The following GPKOW variants were observed in gnomAD, a reference collection of about 807,000 sequenced individuals.
The protein encoded by GPKOW is G-patch domain and KOW motifs, also known as G-patch domain and KOW motifs-containing protein.
For missense variants in GPKOW, 359 were observed against 404.7 expected (o/e 0.89, Z 0.97); for synonymous variants, 167 against 159.1 (o/e 1.05, Z -0.37).
intron 3 of GPKOW, among the ~76,000 whole-genome samples, chrX:49,122,092 C>T (rs782334642): frequency 1.8e-5 from 2 of 112,343 alleles, no homozygotes; most frequent in East Asian, 5.6e-4. Flanking sequence ...CTTACTCATT[C>T]CACTTCAGTC....
At chrX:49,115,244 G>A (rs1466364745) in intron 9 of GPKOW, among the ~76,000 whole-genome samples, 2 of 110,291 alleles carry the variant, frequency 1.8e-5, no homozygotes, top group East Asian at 2.8e-4. Context: ...GGTGGCTCAC[G>A]CTTGTAATCC....
chrX:49,116,007 C>A lies in GPKOW; in HGVS notation c.1024G>T (p.Gly342Trp). ...GCTTTCTCACTCTTGGCTGCAGGCC[C>A]ATCCTGTCTGTGGAGAAGGTGCCAG... ...KRKHLPDRQD[G>W]PAAKSEKAAP... The change falls in exon 8 of 11, where the codon GGG becomes TGG. Residue 342 changes from glycine to tryptophan, a missense_variant. By Grantham distance (184) the Gly-to-Trp change is radical. Coordinates refer to ENST00000156109, the MANE Select transcript of GPKOW (RefSeq NM_015698.6). The A allele has an allele frequency of 8.3e-7, 1 of 1,211,683 alleles. No homozygotes were observed. The highest frequency in any genetic ancestry group is 1.1e-6 in the Non-Finnish European group (1 of 895,369).
chrX:49,117,576 C>A (rs781790813), intron 5 of GPKOW, 21 bp downstream of exon 5: 2 of 1,143,938 alleles, frequency 1.7e-6, no homozygotes, highest in Middle Eastern at 2.4e-4. Context: ...TTTGGGCTCC[C>A]GGGATATCTT....
At position 49,117,123 on chromosome X, in the gene GPKOW, G is replaced by A. The variant is rs1251414342; in HGVS notation, c.820C>T (p.Arg274Cys). Residue 274 changes from arginine (R) to cysteine (C), a missense_variant, in exon 6 of 11, where the codon CGT becomes TGT. Transcript: ENST00000156109. ...ACCACCCGGCTCCCCACAGCCAGAC[G>A]AACCATGGCCCGAACATTGTCAGGA... ...LDPDNVRAMV[R>C]LAVGSRVVTV... 8.3e-6 allele frequency: 10 copies of A among 1,210,510 alleles called. No individual in the cohort carries two copies. Among genetic ancestry groups the A allele is most frequent in the South Asian group, 1.8e-5 (1 of 56,940 alleles).
intron 7 of GPKOW, 102 bp downstream of exon 7, chrX:49,116,119 G>A (rs1196718441): frequency 1.9e-5 from 21 of 1,125,243 alleles, no homozygotes; most frequent in East Asian, 3.0e-5. Context: ...GCAGTTCCCC[G>A]TTCCTTCTAT....
rs373580625 is a variant in GPKOW, at chrX:49,122,409, G to A, written c.445C>T (p.Arg149Trp). The stretch of plus-strand genomic sequence containing the variant: ...AGGGGCCAGCTCACTGTCTCTGCCC[G>A]GGGTTCGCTGTCTGCCCCTTCCCCG... ...PSGEGADSEP[R>W]AETVPEEANY... Residue 149 changes from arginine to tryptophan, a missense_variant, in exon 3 of 11, where the codon CGG becomes TGG. Coordinates refer to ENST00000156109, the MANE Select transcript of GPKOW (RefSeq NM_015698.6). 143 of 1,159,471 alleles carry A rather than the reference G, an allele frequency of 1.2e-4. No individual in the cohort carries two copies. The highest frequency in any genetic ancestry group is 5.3e-5 in the Non-Finnish European group (46 of 871,562).
chrX:49,115,839 G>A (rs1569524441), intron 8 of GPKOW, 44 bp from the exon 9 acceptor site: 1 of 1,196,201 alleles, frequency 8.4e-7, no homozygotes, highest in Non-Finnish European at 1.1e-6. Context: ...AGAGAGGTAG[G>A]GGGGCCCAGT....
chrX:49,116,312 C>T lies in GPKOW; in HGVS notation c.925G>A (p.Gly309Arg), dbSNP rs980151073. 6.7e-6 allele frequency: 8 copies of T among 1,187,023 alleles called. No individual in the cohort carries two copies. Among genetic ancestry groups the T allele is most frequent in the South Asian group, 3.5e-5 (2 of 56,420 alleles). Residue 309 changes from glycine to arginine, a missense_variant, in exon 7 of 11, where the codon GGA (glycine) becomes AGA (arginine). Physicochemically the swap from Gly to Arg is moderately radical, Grantham distance 125. Coordinates refer to ENST00000156109, the MANE Select transcript of GPKOW (RefSeq NM_015698.6). ...AGGGTCTTCCGTGATGAGGCAGTTCCGTTCTGTTGCCCTGGGGAAGGAAGT... is the reference window on the plus strand; with the variant it reads ...AGGGTCTTCCGTGATGAGGCAGTTCTGTTCTGTTGCCCTGGGGAAGGAAGT... The part of the protein sequence containing the change: ...KNTLDLRQQN[G>R]TASSRKTLWN...
rs1557091204 is a variant in GPKOW, at chrX:49,122,475, T to C, written c.379A>G (p.Thr127Ala). 1.7e-6 allele frequency: 2 copies of C among 1,201,402 alleles called. No homozygotes were observed. Among genetic ancestry groups the C allele is most frequent in the South Asian group, 1.8e-5 (1 of 55,730 alleles). The change falls in exon 3 of 11, where the codon ACG becomes GCG. Residue 127 changes from threonine (T) to alanine (A), a missense_variant. By Grantham distance (58) the Thr-to-Ala change is moderately conservative. Transcript: ENST00000156109. ...EERENAGVDP[T>A]LAIPMIQKGC... ...TTCTGGATCATGGGGATAGCGAGCG[T>C]GGGGTCGACACCCGCATTCTCTCTC...
At chrX:49,118,131 G>A (rs976331501) in intron 4 of GPKOW, among the ~76,000 whole-genome samples, 6 of 109,543 alleles carry the variant, frequency 5.5e-5, no homozygotes, top group Non-Finnish European at 1.1e-4. Context: ...ATGTTGGTCA[G>A]GCCGGTCTTG....
At chrX:49,116,652 C>T (rs183173741) in intron 6 of GPKOW, among the ~76,000 whole-genome samples, 72 of 111,786 alleles carry the variant, frequency 6.4e-4, no homozygotes, top group African/African-American at 2.2e-3. Flanking sequence ...GAAACGCCTT[C>T]GCCTGTGCTG....
In GPKOW at chrX:49,113,449, T is replaced by C. The variant is rs2065178930; in HGVS notation, c.*172A>G. ...ATTATACCCTAAATTTTGGTAAATA[T>C]TGGGTTTGTTTCTAGCTTCCCTACT... On this transcript the variant is annotated 3_prime_UTR_variant, in exon 11 of 11. Transcript: ENST00000156109. 3 of 456,637 alleles carry C rather than the reference T, an allele frequency of 6.6e-6. No individual in the cohort carries two copies. In the Admixed American group the frequency reaches 1.2e-4, roughly 18 times the overall value. 37.6% of individuals were successfully genotyped at this position (456,637 alleles called of 1,213,427 possible).
In GPKOW at chrX:49,117,798, G is replaced by A. The variant is rs879991567; in HGVS notation, c.579C>T (p.Pro193=). 6 of 1,186,469 alleles carry A rather than the reference G, an allele frequency of 5.1e-6. No individual in the cohort carries two copies. In the South Asian group the frequency reaches 1.1e-4, roughly 21 times the overall value. Residue 193 remains proline, a synonymous_variant, in exon 5 of 11, where the codon CCC becomes CCT. Coordinates refer to ENST00000156109, the MANE Select transcript of GPKOW (RefSeq NM_015698.6). ...CCTTGGGCCTCAGTGAGTTGACACG[G>A]GGCTTCACTACTCTGCAGGGAGGAA... The part of the protein sequence containing the change: ...IGRTFNQVVK[P]RVNSLRPKGL...
intron 3 of GPKOW, among the ~76,000 whole-genome samples, chrX:49,121,288 G>A (rs1335331038): frequency 9.1e-6 from 1 of 109,863 alleles, no homozygotes; most frequent in African/African-American, 3.3e-5. Context: ...TTAGCCAGGC[G>A]GTAGTGACAC....
chrX:49,123,408 C>T (rs782750446), intron 1 of GPKOW, 139 bp downstream of exon 1: 2 of 642,980 alleles, frequency 3.1e-6, no homozygotes, highest in East Asian at 3.7e-5. Context: ...AAACTCCCGC[C>T]TTCTGGCCTC....
intron 4 of GPKOW, among the ~76,000 whole-genome samples, chrX:49,118,436 C>T (rs1557090609): frequency 9.1e-6 from 1 of 110,336 alleles, no homozygotes; most frequent in South Asian, 3.8e-4. Context: ...CAGGAGAAAC[C>T]GGATTATAAA....
intron 4 of GPKOW, among the ~76,000 whole-genome samples, chrX:49,118,761 A>C (rs1362394878): frequency 2.9e-5 from 3 of 103,455 alleles, no homozygotes; most frequent in Non-Finnish European, 5.9e-5. Flanking sequence ...AAAAAAAAAA[A>C]AAAAACGCCA....
chrX:49,116,495 C>T (rs1461885031), intron 6 of GPKOW, among the ~76,000 whole-genome samples, 172 bp from the exon 7 acceptor site: 1 of 110,244 alleles, frequency 9.1e-6, no homozygotes, highest in Non-Finnish European at 1.9e-5. Flanking sequence ...AGTAGAATGC[C>T]TCTCCCCCAC....
chrX:49,115,668 G>A, intron 9 of GPKOW, 58 bp downstream of exon 9: 1 of 1,006,162 alleles, frequency 9.9e-7, no homozygotes, highest in South Asian at 1.9e-5. Context: ...CCTGGGCCAG[G>A]CTCTGGGCCT....
Sources: allele counts gnomAD v4.1 joint callset (sites outside exome capture counted in the v4.1 genomes callset), GRCh38; gene constraint gnomAD v4.1.1; transcripts MANE v1.5; gene names NCBI Gene and HGNC (gene_info 2026-07-23, HGNC 2026-07-21).